Variants in PALM2AKAP2 observed in about 807,000 individuals in gnomAD.
PALM2AKAP2 encodes PALM2-AKAP2 fusion protein.
Under a neutral mutation model 71.5 loss-of-function variants are expected in PALM2AKAP2, and 37 were observed. The ratio of observed to expected loss-of-function variants is 0.52; its 90% CI spans 0.40 to 0.68. The LOEUF (loss-of-function observed/expected upper bound fraction) is 0.68, where lower values mean the gene tolerates loss of function less well. Among genes scored for constraint, PALM2AKAP2 ranks in the 30% least tolerant of loss-of-function variants. The pLI, the probability that PALM2AKAP2 is intolerant of heterozygous loss-of-function variation, is 0.00. For synonymous variants in PALM2AKAP2, 468 were observed against 478.8 expected (o/e 0.98, Z 0.29); for missense variants, 1,224 against 1,191.8 (o/e 1.03, Z -0.40).
chr9:110,084,509 G>C (rs929939350), intron 1 of PALM2AKAP2, among the ~76,000 whole-genome samples: 3 of 152,050 alleles, frequency 2.0e-5, no homozygotes, highest in African/African-American at 7.2e-5. Flanking sequence ...ACTATGGGGG[G>C]GTTGGTTCCA....
At chr9:110,055,357 G>A (rs1303579024) in intron 1 of PALM2AKAP2, among the ~76,000 whole-genome samples, 8 of 152,048 alleles carry the variant, frequency 5.3e-5, no homozygotes, top group African/African-American at 9.6e-5. Flanking sequence ...CACTGTGCCC[G>A]GCTAATTTTT....
rs1011191810 is a variant in PALM2AKAP2, at chr9:109,998,781, A to G, written c.497-17173A>G. Among the ~76,000 whole-genome samples the G allele has an allele frequency of 1.4e-3, 210 of 148,416 alleles. 1 individual carries two copies. Among genetic ancestry groups the G allele is most frequent in the African/African-American group, 4.3e-3 (175 of 40,714 alleles). ...CCCTGTCGCAAAAAAAAAAAAAAAAAAGGGGGGATAGTCCATTCTAGCTGC... is the reference window on the plus strand; with the variant it reads ...CCCTGTCGCAAAAAAAAAAAAAAAAGAGGGGGGATAGTCCATTCTAGCTGC... On this transcript the variant is annotated intron_variant, in intron 6 of 9. Coordinates refer to the PALM2AKAP2 transcript ENST00000302798.
chr9:110,015,712 G>A (rs757141747), intron 6 of PALM2AKAP2, among the ~76,000 whole-genome samples: 1 of 152,180 alleles, frequency 6.6e-6, no homozygotes, highest in Non-Finnish European at 1.5e-5. Flanking sequence ...CTCTCTATAA[G>A]ATATAGGATT....
chr9:109,879,423 G>T (rs142648769), intron 2 of PALM2AKAP2, among the ~76,000 whole-genome samples: 1 of 152,298 alleles, frequency 6.6e-6, no homozygotes, highest in Non-Finnish European at 1.5e-5. Flanking sequence ...CTGCCCATGG[G>T]CATGGTCACT....
chr9:109,994,867 CCA>C (rs1832545592), intron 6 of PALM2AKAP2, among the ~76,000 whole-genome samples: 1 of 152,156 alleles, frequency 6.6e-6, no homozygotes, highest in Admixed American at 6.5e-5. Flanking sequence ...GACCTTTGCC[CCA>C]CACCCATCAG....
chr9:110,136,012 A>T, intron 1 of PALM2AKAP2, 115 bp from the exon 8 acceptor site: 1 of 1,320,604 alleles, frequency 7.6e-7, no homozygotes. Context: ...ATTCAAAAGA[A>T]TTTGTCACTG....
chr9:110,097,484 G>A (rs1588107467), intron 1 of PALM2AKAP2, among the ~76,000 whole-genome samples: 1 of 150,382 alleles, frequency 6.6e-6, no homozygotes, highest in Admixed American at 6.6e-5. Flanking sequence ...TCCCAGACGG[G>A]GTGGTGGCCG....
At chr9:109,690,718 A>G (rs1827869504) in intron 1 of PALM2AKAP2, among the ~76,000 whole-genome samples, 1 of 152,206 alleles carries the variant, frequency 6.6e-6, no homozygotes. Context: ...CTGAATTAGT[A>G]TAGCTTACAA....
At chr9:109,816,517 G>A (rs58257025) in intron 1 of PALM2AKAP2, among the ~76,000 whole-genome samples, 9,147 of 152,190 alleles carry the variant, frequency 0.06, 759 homozygotes, top group African/African-American at 0.19. Flanking sequence ...CACCTAAACA[G>A]TTCCACATTT....
intron 1 of PALM2AKAP2, among the ~76,000 whole-genome samples, chr9:109,839,860 G>A (rs1010746827): frequency 1.3e-5 from 2 of 152,102 alleles, no homozygotes; most frequent in Non-Finnish European, 2.9e-5. Flanking sequence ...CAACGAAATA[G>A]AAGAGGACAC....
chr9:109,916,788 C>T (rs1332942950), intron 3 of PALM2AKAP2, among the ~76,000 whole-genome samples: 1 of 152,220 alleles, frequency 6.6e-6, no homozygotes, highest in African/African-American at 2.4e-5. Flanking sequence ...CTCTTTCCAT[C>T]GTGCCCTCTG....
intron 3 of PALM2AKAP2, among the ~76,000 whole-genome samples, chr9:110,166,270 A>C (rs1836731143): frequency 6.6e-6 from 1 of 152,222 alleles, no homozygotes; most frequent in African/African-American, 2.4e-5. Flanking sequence ...ACTGAAGCAC[A>C]GGGGTAAGTG....
intron 1 of PALM2AKAP2, among the ~76,000 whole-genome samples, chr9:109,678,754 C>T (rs1336819200): frequency 2.0e-5 from 3 of 151,926 alleles, no homozygotes; most frequent in Non-Finnish European, 4.4e-5. Flanking sequence ...TTTTTTCTGG[C>T]CGGAGGTAAG....
Position 110,072,011 on chromosome 9 carries a change from G to T in PALM2AKAP2, c.156+23156G>T, listed in dbSNP as rs148167687. On this transcript the variant is annotated intron_variant, in intron 1 of 3. Transcript: ENST00000374525. ...AACAGTGAAAGGTGAGTTAGTAGTA[G>T]TTCATATTATTAACTCATTTTATTG... Among the ~76,000 whole-genome samples the T allele has an allele frequency of 2.8e-3, 431 of 152,256 alleles. 1 individual carries two copies. Among genetic ancestry groups the T allele is most frequent in the African/African-American group, 0.01 (419 of 41,542 alleles).
intron 3 of PALM2AKAP2, among the ~76,000 whole-genome samples, chr9:110,161,212 G>A (rs940547059): frequency 2.0e-5 from 3 of 152,274 alleles, no homozygotes; most frequent in Middle Eastern, 3.4e-3. Flanking sequence ...ATTCCTAAGT[G>A]CTACATATAA....
intron 1 of PALM2AKAP2, among the ~76,000 whole-genome samples, chr9:109,669,890 T>A (rs1827549583): frequency 6.6e-6 from 1 of 151,992 alleles, no homozygotes; most frequent in Non-Finnish European, 1.5e-5. Flanking sequence ...ATTGACTTTT[T>A]TATTGTTTAT....
intron 3 of PALM2AKAP2, among the ~76,000 whole-genome samples, chr9:109,894,262 C>A (rs1187097150): frequency 3.3e-5 from 5 of 152,170 alleles, no homozygotes; most frequent in Non-Finnish European, 7.3e-5. Context: ...CTGCTTGAAC[C>A]CAGGAGGCAG....
At chr9:110,138,855 G>T (rs1588131870) in intron 2 of PALM2AKAP2, among the ~76,000 whole-genome samples, 1 of 152,330 alleles carries the variant, frequency 6.6e-6, no homozygotes, top group Non-Finnish European at 1.5e-5. Flanking sequence ...TTGTCTGAAG[G>T]AGAGGCTGTT....
At chr9:110,165,927 A>G (rs527861168) in intron 3 of PALM2AKAP2, among the ~76,000 whole-genome samples, 2 of 152,354 alleles carry the variant, frequency 1.3e-5, no homozygotes. Flanking sequence ...GGTTTAAATA[A>G]CAAGACAAAG....
Sources: gnomAD v4.1 joint callset for allele counts (sites outside exome capture counted in the v4.1 genomes callset) on GRCh38, gnomAD v4.1.1 for gene constraint, MANE v1.5 for transcripts, NCBI Gene and HGNC (gene_info 2026-07-23, HGNC 2026-07-21) for gene names.